HECTD4: variants seen among roughly 807,000 people sequenced by gnomAD.
HECTD4 encodes the protein HECT domain E3 ubiquitin protein ligase 4, also known as probable E3 ubiquitin-protein ligase HECTD4.
Under a neutral mutation model 471.5 loss-of-function variants are expected in HECTD4, and 114 were observed. The ratio of observed to expected loss-of-function variants is 0.24; its 90% CI spans 0.21 to 0.28. The LOEUF is 0.28. Ranked by LOEUF, HECTD4 falls within the 10% of genes least tolerant of loss-of-function variation. The probability of loss-of-function intolerance (pLI) is 1.00; values close to 1 mark genes in which losing one functional copy is unlikely to be tolerated. For missense variants in HECTD4, 3,866 were observed against 5,651.5 expected, an observed-to-expected ratio of 0.68 and a Z score of 10.13; for synonymous variants, 2,012 against 2,256.0, an observed-to-expected ratio of 0.89 and a Z score of 3.07.
chr12:112,199,239 G>T (rs1312699783), intron 55 of HECTD4, among the ~76,000 whole-genome samples: 1 of 152,174 alleles, frequency 6.6e-6, no homozygotes, highest in Non-Finnish European at 1.5e-5. Flanking sequence ...TTGTGATATT[G>T]CCCTGTGGTA....
rs1352545440 is a variant in HECTD4 at position 112,184,714 on chromosome 12, G to A, written c.10252C>T (p.Arg3418Cys). ...CCGCCGTGGGCGTTGCAGGCCTTGC[G>A]GATGGCGCCTCTGACTACGCCCTCG... Reference protein sequence around the residue: ...LDEGVVRGAIRKACNAHGGVF... With the variant: ...LDEGVVRGAICKACNAHGGVF... The change falls in exon 61 of 76, where the codon CGC becomes TGC. Residue 3418 changes from arginine (R) to cysteine (C), a missense_variant. Around this residue, in one of 16 missense-constraint regions of HECTD4, gnomAD observed 71 missense variants for 144.5 expected, o/e 0.49. Coordinates refer to ENST00000682272, the MANE Select transcript of HECTD4 (RefSeq NM_001388303.1). This position sits in a 1 kb window ranked among gnomAD's most constrained non-coding sequence, Gnocchi z 9.1. The A allele has an allele frequency of 4.3e-6, 7 of 1,613,136 alleles. No homozygotes were observed. Among genetic ancestry groups the A allele is most frequent in the East Asian group, 4.5e-5 (2 of 44,878 alleles).
In HECTD4 at chr12:112,161,404, C is replaced by A. The variant is rs1012740425; in HGVS notation, c.*983G>T. ...TGAGTGTCTGGGTCACTAAAGCAGACCCCAAATTGAGCAGAGCACCTCAGT... is the reference window on the plus strand; with the variant it reads ...TGAGTGTCTGGGTCACTAAAGCAGAACCCAAATTGAGCAGAGCACCTCAGT... On this transcript the variant is annotated 3_prime_UTR_variant, in exon 76 of 76. Transcript: ENST00000682272. The A allele has an allele frequency of 5.9e-5, 9 of 152,240 alleles. No individual in the cohort carries two copies. The highest frequency in any genetic ancestry group is 2.2e-4 in the African/African-American group (9 of 41,442). 9.4% of individuals were successfully genotyped at this position (152,240 alleles called of 1,614,324 possible). A position where few individuals can be genotyped will look rare whatever the true frequency, so the allele number is the denominator to read the frequency against.
chr12:112,365,528 A>G (rs1223893129), intron 1 of HECTD4, among the ~76,000 whole-genome samples: 2 of 152,188 alleles, frequency 1.3e-5, no homozygotes, highest in African/African-American at 4.8e-5. Flanking sequence ...GCCACATTCA[A>G]CTGCTCAATA....
At position 112,382,087 on chromosome 12, in the gene HECTD4, GGCCGCC is replaced by G. The variant is rs890653160; in HGVS notation, c.36_41del (p.Ala14_Ala15del). On this transcript the variant is annotated inframe_deletion, in exon 1 of 76. Coordinates refer to ENST00000682272, the MANE Select transcript of HECTD4 (RefSeq NM_001388303.1). Reference sequence around the variant, plus strand: ...CCGAGAGCCACTGCGCCGAGTCAGCGGCCGCCGCCGCCGCCGCCGCCGCGGCCGCCG... The same window carrying G: ...CCGAGAGCCACTGCGCCGAGTCAGCGGCCGCCGCCGCCGCCGCGGCCGCCG... 20 of 1,225,250 alleles carry G rather than the reference GGCCGCC, an allele frequency of 1.6e-5. No individual in the cohort carries two copies. Among genetic ancestry groups the G allele is most frequent in the African/African-American group, 9.4e-5 (6 of 63,788 alleles). 75.9% of individuals were successfully genotyped at this position (1,225,250 alleles called of 1,614,324 possible). A position where few individuals can be genotyped will look rare whatever the true frequency, so the allele number is the denominator to read the frequency against.
At chr12:112,275,055 C>A in intron 9 of HECTD4, 95 bp from the exon 10 acceptor site, 2 of 735,524 alleles carry the variant, frequency 2.7e-6, no homozygotes, top group Non-Finnish European at 4.5e-6. Flanking sequence ...AAAAATCACA[C>A]CCTTTTCTTG....
At chr12:112,168,247 C>T (rs1292494067) in intron 70 of HECTD4, among the ~76,000 whole-genome samples, 1 of 152,248 alleles carries the variant, frequency 6.6e-6, no homozygotes, top group Non-Finnish European at 1.5e-5. Flanking sequence ...CAGGCAACCT[C>T]TCACAGCTGC....
Position 112,275,018 on chromosome 12 carries a change from A to G in HECTD4, c.1688-58T>C, listed in dbSNP as rs953088144. The stretch of plus-strand genomic sequence containing the variant: ...CCTGAAGATTATTTTTAAAGTTTAA[A>G]TTTTAGGCTTTTAACAAGACTTTTA... On this transcript the variant is annotated intron_variant, in intron 9 of 75. Coordinates refer to ENST00000682272, the MANE Select transcript of HECTD4 (RefSeq NM_001388303.1). 160 of 1,062,176 alleles carry G rather than the reference A, an allele frequency of 1.5e-4. 2 individuals carry two copies. In the East Asian group the frequency reaches 4.1e-3, roughly 27 times the overall value. 65.8% of individuals were successfully genotyped at this position (1,062,176 alleles called of 1,614,324 possible).
chr12:112,239,078 C>A lies in HECTD4; in HGVS notation c.5264G>T (p.Arg1755Leu). Residue 1755 changes from arginine (R) to leucine (L), a missense_variant, in exon 34 of 76, where the codon CGC becomes CTC. Around this residue, in one of 16 missense-constraint regions of HECTD4, gnomAD observed 229 missense variants for 386.4 expected, o/e 0.59. Transcript: ENST00000682272. The surrounding 1 kb of genome is among the most constrained non-coding windows in gnomAD (Gnocchi z 4.9). Reference sequence around the variant, plus strand: ...TTCCTCTTTTTCCCACTCAACACAGCGGTTGGCAAGCACCTGGAAGGCAGC... The same window carrying A: ...TTCCTCTTTTTCCCACTCAACACAGAGGTTGGCAAGCACCTGGAAGGCAGC... ...AWAAFQVLAN[R>L]CVEWEKEEGG... 1 of 1,613,004 alleles carries A rather than the reference C, an allele frequency of 6.2e-7. No individual in the cohort carries two copies. The highest frequency in any genetic ancestry group is 8.5e-7 in the Non-Finnish European group (1 of 1,179,430).
chr12:112,308,622 C>G (rs2035315827), intron 6 of HECTD4, 131 bp downstream of exon 6: 2 of 836,092 alleles, frequency 2.4e-6, no homozygotes, highest in Non-Finnish European at 3.6e-6. Flanking sequence ...AATGCCCAAA[C>G]TATAACAATT....
intron 18 of HECTD4, among the ~76,000 whole-genome samples, chr12:112,260,114 C>G (rs986164027): frequency 2.0e-5 from 3 of 152,098 alleles, no homozygotes; most frequent in Non-Finnish European, 4.4e-5. Context: ...TAAACAATAA[C>G]TCCTCATTTT....
intron 1 of HECTD4, among the ~76,000 whole-genome samples, chr12:112,345,724 T>C (rs532351780): frequency 6.6e-6 from 1 of 152,102 alleles, no homozygotes; most frequent in African/African-American, 2.4e-5. Flanking sequence ...TGAAACCCCG[T>C]CTCTACTAAA....
intron 23 of HECTD4, among the ~76,000 whole-genome samples, chr12:112,251,425 G>A (rs1279930172): frequency 6.6e-6 from 1 of 152,216 alleles, no homozygotes; most frequent in Non-Finnish European, 1.5e-5. Flanking sequence ...CTGATTCTTT[G>A]ATAGCTTCCT....
At chr12:112,349,342 C>T (rs555882751) in intron 1 of HECTD4, among the ~76,000 whole-genome samples, 6 of 142,206 alleles carry the variant, frequency 4.2e-5, no homozygotes, top group South Asian at 2.2e-4. Context: ...GAGCCGAGAT[C>T]GCACCACTGC....
intron 2 of HECTD4, among the ~76,000 whole-genome samples, chr12:112,318,162 G>A (rs2035520326): frequency 6.6e-6 from 1 of 151,830 alleles, no homozygotes; most frequent in South Asian, 2.1e-4. Flanking sequence ...CTACTTGGGA[G>A]GCTGAGGCAG....
At chr12:112,339,870 G>A (rs889493978) in intron 1 of HECTD4, among the ~76,000 whole-genome samples, 2 of 151,894 alleles carry the variant, frequency 1.3e-5, no homozygotes, top group African/African-American at 4.8e-5. Context: ...CCAACATGGT[G>A]AAACCCCGCC....
rs2033360947 is a variant in HECTD4 at position 112,230,822 on chromosome 12, C to A, written c.6201G>T (p.Arg2067Ser). Residue 2067 changes from arginine (R) to serine (S), a missense_variant and splice_region_variant, in exon 40 of 76, where the codon AGG becomes AGT. Physicochemically the swap from Arg to Ser is moderately radical, Grantham distance 110. This residue lies in a region of HECTD4 where 617 missense variants were observed against 915.1 expected (regional missense o/e 0.67). Transcript: ENST00000682272. The part of the protein sequence containing the change: ...ICRERNSELA[R>S]TDPVRPFISG... ...TGATGAAGGGACGCACAGGATCAGT[C>A]CTGCAAGTGTCAACAGGAAAAAGTG... 2 of 1,607,986 alleles carry A rather than the reference C, an allele frequency of 1.2e-6. No individual in the cohort carries two copies. The highest frequency in any genetic ancestry group is 1.7e-6 in the Non-Finnish European group (2 of 1,177,176).
intron 7 of HECTD4, chr12:112,302,096 C>T (rs567195934): frequency 1.5e-5 from 20 of 1,371,602 alleles, no homozygotes; most frequent in African/African-American, 9.9e-5. Context: ...GTGGACTAGA[C>T]GGCCCAGTCT....
rs1423983196 is a variant in HECTD4 at position 112,217,215 on chromosome 12, C to A, written c.7075-20G>T. On this transcript the variant is annotated intron_variant, in intron 45 of 75. Coordinates refer to ENST00000682272, the MANE Select transcript of HECTD4 (RefSeq NM_001388303.1). ...TTTGGGCTGCATCAGGGAGAAAAAC[C>A]CATATTCAGTAGAACTGCAAACACA... The A allele has an allele frequency of 1.3e-6, 2 of 1,486,798 alleles. No individual in the cohort carries two copies. Among genetic ancestry groups the A allele is most frequent in the Non-Finnish European group, 8.9e-7 (1 of 1,117,894 alleles). The allele number at this position is 1,486,798 out of a possible 1,614,324, so 92.1% of individuals were successfully genotyped here. A position where few individuals can be genotyped will look rare whatever the true frequency, so the allele number is the denominator to read the frequency against.
chr12:112,230,743 A>T lies in HECTD4; in HGVS notation c.6280T>A (p.Leu2094Met). 1 of 1,611,204 alleles carries T rather than the reference A, an allele frequency of 6.2e-7. No homozygotes were observed. Among genetic ancestry groups the T allele is most frequent in the Non-Finnish European group, 8.5e-7 (1 of 1,178,738 alleles). Residue 2094 changes from leucine (L) to methionine (M), a missense_variant, in exon 40 of 76, where the codon TTG becomes ATG. This residue lies in a region of HECTD4 where 617 missense variants were observed against 915.1 expected (regional missense o/e 0.67). Coordinates refer to ENST00000682272, the MANE Select transcript of HECTD4 (RefSeq NM_001388303.1). ...GCATTTGATTCAGGTGCCATGAGCAAGCTATGTAGCAAGGCGATCACTTCT... is the reference window on the plus strand; with the variant it reads ...GCATTTGATTCAGGTGCCATGAGCATGCTATGTAGCAAGGCGATCACTTCT... ...AAEVIALLHS[L>M]LMAPESNAAQ...
Sources: gnomAD v4.1 joint callset for allele counts (sites outside exome capture counted in the v4.1 genomes callset) on GRCh38, gnomAD v4.1.1 for gene constraint, gnomAD v4.1.1 regional missense constraint, Gnocchi (gnomAD v3.1) non-coding constraint, MANE v1.5 for transcripts, NCBI Gene and HGNC (gene_info 2026-07-23, HGNC 2026-07-21) for gene names.